PRKN: variants seen among roughly 807,000 people sequenced by gnomAD.
PRKN encodes the protein E3 ubiquitin-protein ligase parkin.
A neutral mutation model predicts 59.5 loss-of-function variants in PRKN; 56 were observed. The ratio of observed to expected loss-of-function variants is 0.94; its 90% CI spans 0.76 to 1.18. PRKN has a LOEUF of 1.18. Ranked by LOEUF, PRKN falls within the 50% of genes most tolerant of loss-of-function variation. The probability of loss-of-function intolerance (pLI) is 0.00; values close to 1 mark genes in which losing one functional copy is unlikely to be tolerated. For missense variants in PRKN, 657 were observed against 596.4 expected (o/e 1.10, Z -1.06); for synonymous variants, 250 against 222.1 (o/e 1.13, Z -1.12).
chr6:162,496,366 T>C (rs978619268), intron 1 of PRKN, among the ~76,000 whole-genome samples: 1 of 152,224 alleles, frequency 6.6e-6, no homozygotes, highest in Non-Finnish European at 1.5e-5. Context: ...TTTTACATAA[T>C]AGGAGCAGGT....
chr6:162,583,493 T>A (rs981361477), intron 1 of PRKN, among the ~76,000 whole-genome samples: 41 of 152,230 alleles, frequency 2.7e-4, no homozygotes, highest in African/African-American at 8.2e-4. Flanking sequence ...CCAAAAGGGC[T>A]GGCTGGTGCT....
intron 5 of PRKN, among the ~76,000 whole-genome samples, chr6:162,036,339 A>C (rs1783847617): frequency 6.6e-6 from 1 of 151,988 alleles, no homozygotes; most frequent in Non-Finnish European, 1.5e-5. Flanking sequence ...AAAACAAAAC[A>C]AAATAAAGAA....
chr6:162,257,093 T>A lies in PRKN; in HGVS notation c.412+5432A>T, dbSNP rs544416938. Among the ~76,000 whole-genome samples the A allele has an allele frequency of 1.9e-3, 283 of 152,302 alleles. 1 individual carries two copies. Among genetic ancestry groups the A allele is most frequent in the African/African-American group, 6.5e-3 (272 of 41,568 alleles). ...GTGCTGCCCCGGCATGGTATTCCTC[T>A]CCGCAGCTTTTTGTCAATTGCATGC... On this transcript the variant is annotated intron_variant, in intron 3 of 11. Coordinates refer to ENST00000366898, the MANE Select transcript of PRKN (RefSeq NM_004562.3).
chr6:161,968,214 T>C (rs1382864715), intron 6 of PRKN, among the ~76,000 whole-genome samples: 1 of 147,178 alleles, frequency 6.8e-6, no homozygotes, highest in African/African-American at 2.5e-5. Flanking sequence ...TTTTTTGTAT[T>C]ATTAGTAGAG....
intron 6 of PRKN, among the ~76,000 whole-genome samples, chr6:161,792,770 C>T (rs955712446): frequency 1.3e-5 from 2 of 152,184 alleles, no homozygotes; most frequent in African/African-American, 4.8e-5. Context: ...AGAACTATGA[C>T]TCCTGGGCAT....
chr6:161,397,362 G>C lies in PRKN; in HGVS notation c.1084-10485C>G, dbSNP rs1786810885. ...ATCATGGGTTGAATTGAGTATTCTT[G>C]TGTAAGTCTTAAGGGTCCCATAGAA... On this transcript the variant is annotated intron_variant, in intron 9 of 11. Transcript: ENST00000366898. The surrounding 1 kb of genome is among the most constrained non-coding windows in gnomAD (Gnocchi z 4.2). 6.6e-6 allele frequency among the ~76,000 whole-genome samples: 1 copy of C among 152,192 alleles called. No homozygotes were observed.
chr6:162,615,337 C>G (rs1782359170), intron 1 of PRKN, among the ~76,000 whole-genome samples: 1 of 152,132 alleles, frequency 6.6e-6, no homozygotes, highest in Non-Finnish European at 1.5e-5. Context: ...AAATGTTATA[C>G]TGGTACATTT....
chr6:162,435,745 G>A (rs1258323335), intron 2 of PRKN, among the ~76,000 whole-genome samples: 1 of 152,176 alleles, frequency 6.6e-6, no homozygotes, highest in Non-Finnish European at 1.5e-5. Context: ...GAGAGAAGAT[G>A]CTTGTATCAG....
At chr6:162,154,013 T>C (rs187696264) in intron 4 of PRKN, among the ~76,000 whole-genome samples, 104 of 152,236 alleles carry the variant, frequency 6.8e-4, no homozygotes, top group Admixed American at 1.6e-3. Context: ...GGTTCAGGCT[T>C]TTTGGCTTAA....
intron 3 of PRKN, among the ~76,000 whole-genome samples, chr6:162,261,976 T>A (rs906348215): frequency 2.0e-5 from 3 of 152,314 alleles, no homozygotes; most frequent in African/African-American, 7.2e-5. Context: ...ACTTCTACCC[T>A]GTAAAGTCAT....
intron 2 of PRKN, among the ~76,000 whole-genome samples, chr6:162,338,523 G>C (rs942253805): frequency 1.3e-5 from 2 of 152,176 alleles, no homozygotes; most frequent in African/African-American, 4.8e-5. Context: ...CGAGGTGCCG[G>C]GATTGCAGAC....
chr6:161,939,170 C>A (rs1779460961), intron 6 of PRKN, among the ~76,000 whole-genome samples: 1 of 152,086 alleles, frequency 6.6e-6, no homozygotes, highest in South Asian at 2.1e-4. Context: ...GTAATCCCAG[C>A]ATTTTGGGAG....
At chr6:161,788,896 TATAG>T (rs1790532157) in intron 6 of PRKN, among the ~76,000 whole-genome samples, 1 of 152,204 alleles carries the variant, frequency 6.6e-6, no homozygotes, top group Non-Finnish European at 1.5e-5. Flanking sequence ...TATATACAGA[TATAG>T]ATAAATGATA....
intron 3 of PRKN, among the ~76,000 whole-genome samples, chr6:162,254,999 C>T (rs970905825): frequency 1.3e-5 from 2 of 151,658 alleles, no homozygotes; most frequent in African/African-American, 2.4e-5. Context: ...TCATAGAGCA[C>T]CCACTATTCT....
chr6:162,669,476 G>A (rs1352611479), intron 1 of PRKN, among the ~76,000 whole-genome samples: 2 of 152,030 alleles, frequency 1.3e-5, no homozygotes, highest in Admixed American at 6.6e-5. Context: ...ACTTGAATAC[G>A]TTTACATATA....
chr6:162,336,397 A>G (rs997673293), intron 2 of PRKN, among the ~76,000 whole-genome samples: 8 of 152,050 alleles, frequency 5.3e-5, no homozygotes, highest in African/African-American at 1.9e-4. Context: ...AATGGAGAGC[A>G]CCGTATCCAC....
At chr6:161,976,417 G>C (rs1031928418) in intron 5 of PRKN, among the ~76,000 whole-genome samples, 1 of 152,240 alleles carries the variant, frequency 6.6e-6, no homozygotes, top group Non-Finnish European at 1.5e-5. Context: ...AGGATGTCCA[G>C]TGTGTGTGAT....
chr6:161,917,515 AT>A (rs1441284343), intron 6 of PRKN, among the ~76,000 whole-genome samples: 1 of 152,216 alleles, frequency 6.6e-6, no homozygotes, highest in Admixed American at 6.5e-5. Flanking sequence ...TGTGGTAGTA[AT>A]AAGGTTTTAC....
intron 6 of PRKN, among the ~76,000 whole-genome samples, chr6:161,969,366 G>C (rs1583419629): frequency 6.6e-6 from 1 of 151,524 alleles, no homozygotes; most frequent in Non-Finnish European, 1.5e-5. Flanking sequence ...GGTACCCGGA[G>C]AAAGTGACCA....
Sources: allele counts gnomAD v4.1 joint callset (sites outside exome capture counted in the v4.1 genomes callset), GRCh38; gene constraint gnomAD v4.1.1; non-coding constraint Gnocchi (gnomAD v3.1); transcripts MANE v1.5; gene names NCBI Gene and HGNC (gene_info 2026-07-23, HGNC 2026-07-21).